The following SETBP1 variants were observed in gnomAD, a reference collection of about 807,000 sequenced individuals.
The protein encoded by SETBP1 is SET binding protein 1.
Under a neutral mutation model 101.0 loss-of-function variants are expected in SETBP1, and 9 were observed. The ratio of observed to expected loss-of-function variants is 0.09; its 90% CI spans 0.05 to 0.16. The LOEUF is 0.16. SETBP1 is among the 10% of genes least tolerant of loss of function. The probability of loss-of-function intolerance (pLI) is 1.00; values close to 1 mark genes in which losing one functional copy is unlikely to be tolerated. For missense variants in SETBP1, 1,858 were observed against 2,033.8 expected, an observed-to-expected ratio of 0.91 and a Z score of 1.66; for synonymous variants, 818 against 788.5, an observed-to-expected ratio of 1.04 and a Z score of -0.63.
chr18:44,743,470 C>A (rs891915988), intron 2 of SETBP1, among the ~76,000 whole-genome samples: 16 of 152,048 alleles, frequency 1.1e-4, no homozygotes, highest in Non-Finnish European at 1.9e-4. Context: ...AGGTACAGCA[C>A]CCCCCCAACC....
intron 4 of SETBP1, among the ~76,000 whole-genome samples, chr18:45,011,177 C>T (rs115814639): frequency 2.5e-4 from 38 of 152,228 alleles, no homozygotes; most frequent in African/African-American, 8.7e-4. Flanking sequence ...AACAGGACTA[C>T]GTTGTTAGAA....
At chr18:45,009,030 G>A (rs1261857532) in intron 4 of SETBP1, among the ~76,000 whole-genome samples, 3 of 152,246 alleles carry the variant, frequency 2.0e-5, no homozygotes, top group South Asian at 2.1e-4. Context: ...AATTGCCACC[G>A]TGTGCTGTGG....
intron 5 of SETBP1, among the ~76,000 whole-genome samples, chr18:45,059,147 C>T (rs770118099): frequency 1.3e-5 from 2 of 152,180 alleles, no homozygotes; most frequent in Non-Finnish European, 2.9e-5. Flanking sequence ...ATGTACCCAT[C>T]AATATCAACT....
intron 3 of SETBP1, among the ~76,000 whole-genome samples, chr18:44,873,837 A>G (rs1044488212): frequency 6.6e-6 from 1 of 152,254 alleles, no homozygotes. Flanking sequence ...AGTTAGCATA[A>G]TAATATAATA....
intron 4 of SETBP1, among the ~76,000 whole-genome samples, chr18:44,999,515 T>C (rs1435868092): frequency 2.0e-5 from 3 of 152,204 alleles, no homozygotes; most frequent in South Asian, 4.1e-4. Context: ...GAAAAAACTC[T>C]GGGATATGTT....
chr18:44,948,133 A>G (rs1039241852), intron 3 of SETBP1, among the ~76,000 whole-genome samples: 2 of 152,182 alleles, frequency 1.3e-5, no homozygotes, highest in African/African-American at 4.8e-5. Context: ...TTAATTCTCT[A>G]TATGTTGTTG....
intron 2 of SETBP1, chr18:44,732,470 C>T (rs541414631): frequency 1.3e-5 from 2 of 152,240 alleles, no homozygotes; most frequent in East Asian, 3.9e-4. Context: ...AGACGTTAGT[C>T]AAAACAAGAC....
At position 45,064,051 on chromosome 18, in the gene SETBP1, A is replaced by G. The variant is rs1041225205; in HGVS notation, c.*353A>G. ...AGGTGCGCCCTCGACTCCCGATTTC[A>G]TTTGCTGGCCAGGAAAATCGAAAGG... On this transcript the variant is annotated 3_prime_UTR_variant, in exon 6 of 6. Transcript: ENST00000649279. 2.5e-5 allele frequency: 5 copies of G among 201,112 alleles called. No individual in the cohort carries two copies. The highest frequency in any genetic ancestry group is 5.0e-5 in the Non-Finnish European group (5 of 99,262). 12.5% of individuals were successfully genotyped at this position (201,112 alleles called of 1,614,324 possible).
rs143445388 is a variant in SETBP1 at position 44,727,186 on chromosome 18, C to CTCTGTGTGTG, written c.486+25355_486+25356insCTGTGTGTGT. ...TGCATTTGACTGAAATATTTGATCA[C>CTCTGTGTGTG]TGTGTGTGTGTGTGTGTGTGTGTGT... is the stretch of plus-strand genomic sequence containing the variant. On this transcript the variant is annotated intron_variant, in intron 2 of 5. Transcript: ENST00000649279. Among the ~76,000 whole-genome samples, 1,118 of 145,294 alleles carry CTCTGTGTGTG rather than the reference C, an allele frequency of 7.7e-3. 13 individuals carry two copies. Among genetic ancestry groups the CTCTGTGTGTG allele is most frequent in the African/African-American group, 0.027 (1,032 of 38,584 alleles).
intron 1 of SETBP1, among the ~76,000 whole-genome samples, chr18:44,684,451 T>G (rs2068805156): frequency 1.3e-5 from 2 of 152,152 alleles, no homozygotes; most frequent in East Asian, 1.9e-4. Flanking sequence ...GATGCCCCCC[T>G]GAGATACATC....
chr18:44,766,568 C>T (rs559391627), intron 2 of SETBP1, among the ~76,000 whole-genome samples: 3 of 152,194 alleles, frequency 2.0e-5, no homozygotes, highest in East Asian at 1.9e-4. Flanking sequence ...CTTCTTTTAA[C>T]GTATATAGAC....
chr18:44,898,013 A>T (rs2069948343), intron 3 of SETBP1, among the ~76,000 whole-genome samples: 1 of 152,166 alleles, frequency 6.6e-6, no homozygotes, highest in Non-Finnish European at 1.5e-5. Context: ...GTAGGTGTGT[A>T]TGGTAATTGT....
intron 3 of SETBP1, among the ~76,000 whole-genome samples, chr18:44,916,840 T>C (rs1024836549): frequency 6.6e-6 from 1 of 152,224 alleles, no homozygotes; most frequent in African/African-American, 2.4e-5. Context: ...TCCTCTCTTA[T>C]GAACTTTACA....
chr18:44,889,689 A>G (rs1008984157), intron 3 of SETBP1, among the ~76,000 whole-genome samples: 3 of 152,146 alleles, frequency 2.0e-5, no homozygotes, highest in South Asian at 2.1e-4. Flanking sequence ...GATGAGGCCT[A>G]TTGATATACA....
intron 4 of SETBP1, among the ~76,000 whole-genome samples, chr18:45,020,183 C>G (rs527261253): frequency 6.9e-6 from 1 of 145,604 alleles, no homozygotes; most frequent in Admixed American, 7.2e-5. Context: ...TCCCTTGAAC[C>G]TGGGAGGTGG....
Position 44,713,208 on chromosome 18 carries a change from C to T in SETBP1, c.486+11376C>T, listed in dbSNP as rs572631955. On this transcript the variant is annotated intron_variant, in intron 2 of 5. Coordinates refer to ENST00000649279, the MANE Select transcript of SETBP1 (RefSeq NM_015559.3). ...TTCTGACCTCGTGATCCTCCCACCT[C>T]GGCCTCCCAAAGTGCTGGGATTACA... 8.5e-5 allele frequency among the ~76,000 whole-genome samples: 13 copies of T among 152,148 alleles called. No homozygotes were observed. In the East Asian group the frequency reaches 1.9e-3, roughly 23 times the overall value.
At chr18:45,016,788 C>G (rs1307788541) in intron 4 of SETBP1, among the ~76,000 whole-genome samples, 1 of 149,878 alleles carries the variant, frequency 6.7e-6, no homozygotes, top group Admixed American at 6.7e-5. Context: ...ACTCCACCCC[C>G]ACCCCTACCT....
At chr18:45,024,969 C>T (rs546631200) in intron 4 of SETBP1, among the ~76,000 whole-genome samples, 1 of 152,284 alleles carries the variant, frequency 6.6e-6, no homozygotes, top group Non-Finnish European at 1.5e-5. Flanking sequence ...GAAATGAGCC[C>T]AATGTGAAGG....
chr18:44,935,298 G>T (rs531485397), intron 3 of SETBP1, among the ~76,000 whole-genome samples: 2 of 152,076 alleles, frequency 1.3e-5, no homozygotes, highest in Non-Finnish European at 2.9e-5. Context: ...AGCCCTAATG[G>T]CAAAAAACAC....
Sources: allele counts gnomAD v4.1 joint callset (sites outside exome capture counted in the v4.1 genomes callset), GRCh38; gene constraint gnomAD v4.1.1; transcripts MANE v1.5; gene names NCBI Gene and HGNC (gene_info 2026-07-23, HGNC 2026-07-21).